Variants in ARHGEF3 observed in about 807,000 individuals in gnomAD.
The protein encoded by ARHGEF3 is Rho guanine nucleotide exchange factor 3, also known as 59.8 kDA protein.
In ARHGEF3, 28 loss-of-function variants were observed where a neutral mutation model predicts 63.2. The ratio of observed to expected loss-of-function variants is 0.44; its 90% CI spans 0.33 to 0.61. The LOEUF (loss-of-function observed/expected upper bound fraction) is 0.61, where lower values mean the gene tolerates loss of function less well. ARHGEF3 is among the 20% of genes least tolerant of loss of function. The probability of loss-of-function intolerance (pLI) is 0.03; values close to 1 mark genes in which losing one functional copy is unlikely to be tolerated. For missense variants in ARHGEF3, 533 were observed against 659.3 expected, an observed-to-expected ratio of 0.81 and a Z score of 2.10; for synonymous variants, 266 against 254.2, an observed-to-expected ratio of 1.05 and a Z score of -0.44.
At chr3:56,873,340 C>T (rs2317441) in intron 4 of ARHGEF3, among the ~76,000 whole-genome samples, 132,175 of 151,810 alleles carry the variant, frequency 0.87, 58,105 homozygotes, top group Non-Finnish European at 0.94. Context: ...TTAAGCCTAG[C>T]ACCCATTAGT....
chr3:56,869,446 A>G (rs912741226), intron 4 of ARHGEF3, among the ~76,000 whole-genome samples: 6 of 152,244 alleles, frequency 3.9e-5, no homozygotes, highest in African/African-American at 1.2e-4. Context: ...GAAGACACAC[A>G]AACCACGAGA....
intron 1 of ARHGEF3, among the ~76,000 whole-genome samples, chr3:57,075,737 G>A (rs957135855): frequency 6.6e-6 from 1 of 152,188 alleles, no homozygotes; most frequent in African/African-American, 2.4e-5. Context: ...TTGAGCCTGA[G>A]AGGCAGATGT....
chr3:56,751,439 A>T, intron 4 of ARHGEF3, 43 bp from the exon 5 acceptor site: 1 of 1,532,620 alleles, frequency 6.5e-7, no homozygotes, highest in South Asian at 1.1e-5. Flanking sequence ...GTTTAAAATC[A>T]GAGGAAGTAC....
intron 7 of ARHGEF3, among the ~76,000 whole-genome samples, chr3:56,741,966 T>A (rs1204292398): frequency 1.3e-5 from 2 of 152,128 alleles, no homozygotes; most frequent in African/African-American, 4.8e-5. Context: ...AAGGGACTGG[T>A]AAAGGGAGAT....
intron 2 of ARHGEF3, among the ~76,000 whole-genome samples, chr3:56,973,461 T>A (rs1488534070): frequency 1.3e-5 from 2 of 152,134 alleles, no homozygotes; most frequent in Non-Finnish European, 2.9e-5. Flanking sequence ...AAGAGCAGAT[T>A]TGGGGACAAA....
At chr3:56,878,933 C>T (rs1249211411) in intron 4 of ARHGEF3, among the ~76,000 whole-genome samples, 2 of 152,332 alleles carry the variant, frequency 1.3e-5, no homozygotes, top group South Asian at 2.1e-4. Context: ...GTCAGATCAG[C>T]GGTGGAGACT....
At chr3:56,844,764 G>A (rs2039428694) in intron 4 of ARHGEF3, among the ~76,000 whole-genome samples, 1 of 152,132 alleles carries the variant, frequency 6.6e-6, no homozygotes, top group Non-Finnish European at 1.5e-5. Flanking sequence ...TTTTCTGGGA[G>A]CCTTCACCAA....
At chr3:56,967,827 T>C (rs1426335862) in intron 2 of ARHGEF3, among the ~76,000 whole-genome samples, 1 of 71,202 alleles carries the variant, frequency 1.4e-5, no homozygotes, top group Non-Finnish European at 2.4e-5. Context: ...TATAATATAA[T>C]ATATATTAAT....
At chr3:57,014,271 T>G (rs73088051) in intron 2 of ARHGEF3, among the ~76,000 whole-genome samples, 37,172 of 152,048 alleles carry the variant, frequency 0.24, 5,078 homozygotes, top group Middle Eastern at 0.31. Context: ...ACTGTAACAC[T>G]CACTGTGAGG....
At chr3:56,956,588 G>T (rs1700053670) in intron 3 of ARHGEF3, among the ~76,000 whole-genome samples, 1 of 152,192 alleles carries the variant, frequency 6.6e-6, no homozygotes. Context: ...GGCCATAGGT[G>T]GGGTAATCAA....
In ARHGEF3 at chr3:56,801,939, A is replaced by T; in HGVS notation, c.-141T>A. 7.1e-7 allele frequency: 1 copy of T among 1,405,460 alleles called. No individual in the cohort carries two copies. Among genetic ancestry groups the T allele is most frequent in the Non-Finnish European group, 9.4e-7 (1 of 1,060,100 alleles). 87.1% of individuals were successfully genotyped at this position (1,405,460 alleles called of 1,614,324 possible). A position where few individuals can be genotyped will look rare whatever the true frequency, so the allele number is the denominator to read the frequency against. ...ACCGACAGCCGGCTTCTAGCCGGGC[A>T]GGACTCGACTGGGCTCCGGAGCCGA... On this transcript the variant is annotated 5_prime_UTR_variant, in exon 1 of 10. Coordinates refer to ENST00000296315, the MANE Select transcript of ARHGEF3 (RefSeq NM_019555.3).
Position 57,010,317 on chromosome 3 carries a change from G to A in ARHGEF3, c.62+24771C>T, listed in dbSNP as rs567906213. On this transcript the variant is annotated intron_variant, in intron 2 of 12. Coordinates refer to the ARHGEF3 transcript ENST00000338458. ...AAAATACAAAAAAAATTAGCCGGGC[G>A]TGGTGGCGGGTGCCTGTAGTCCCAG... Among the ~76,000 whole-genome samples the A allele has an allele frequency of 7.3e-4, 111 of 152,166 alleles. 1 individual carries two copies. Among genetic ancestry groups the A allele is most frequent in the African/African-American group, 2.4e-3 (100 of 41,518 alleles).
At chr3:56,915,474 AAAAC>A (rs2041963368) in intron 3 of ARHGEF3, among the ~76,000 whole-genome samples, 1 of 152,118 alleles carries the variant, frequency 6.6e-6, no homozygotes, top group Non-Finnish European at 1.5e-5. Context: ...TCAAAAAACA[AAAAC>A]AAACAAACAA....
At position 56,895,476 on chromosome 3, in the gene ARHGEF3, T is replaced by A. The variant is rs552033765; in HGVS notation, c.130-13122A>T. Among the ~76,000 whole-genome samples the A allele has an allele frequency of 4.1e-3, 616 of 151,990 alleles. 1 individual carries two copies. Among genetic ancestry groups the A allele is most frequent in the African/African-American group, 0.013 (541 of 41,458 alleles). On this transcript the variant is annotated intron_variant, in intron 3 of 12. Transcript: ENST00000338458. ...TTCTTATTTATTTATTTATTTATTT[T>A]TTTTTGAGATGGAGTCTTGTTCTGC... is the stretch of plus-strand genomic sequence containing the variant.
intron 2 of ARHGEF3, among the ~76,000 whole-genome samples, chr3:56,983,525 A>C (rs2106912854): frequency 6.6e-6 from 1 of 152,312 alleles, no homozygotes; most frequent in Admixed American, 6.5e-5. Context: ...CCTCGCCTCC[A>C]ATAGTACCTG....
At chr3:57,000,212 G>A (rs1383585735) in intron 2 of ARHGEF3, among the ~76,000 whole-genome samples, 1 of 151,894 alleles carries the variant, frequency 6.6e-6, no homozygotes, top group African/African-American at 2.4e-5. Flanking sequence ...AGCGCCCCAC[G>A]TATCTTCAGA....
chr3:57,007,256 A>T, intron 2 of ARHGEF3: 2 of 1,289,816 alleles, frequency 1.6e-6, no homozygotes, highest in Non-Finnish European at 1.0e-6. Flanking sequence ...TCAGCCACAT[A>T]AATCAGACTT....
intron 3 of ARHGEF3, among the ~76,000 whole-genome samples, chr3:56,901,548 G>A (rs2041510142): frequency 6.6e-6 from 1 of 151,100 alleles, no homozygotes; most frequent in South Asian, 2.1e-4. Context: ...CTCCTGGGGG[G>A]AATACAGGGC....
intron 4 of ARHGEF3, among the ~76,000 whole-genome samples, chr3:56,808,914 T>C (rs921458063): frequency 3.9e-5 from 6 of 152,142 alleles, no homozygotes; most frequent in African/African-American, 1.4e-4. Context: ...AATTAGCAGG[T>C]CCAAAATGCC....
Sources: gnomAD v4.1 joint callset for allele counts (sites outside exome capture counted in the v4.1 genomes callset) on GRCh38, gnomAD v4.1.1 for gene constraint, MANE v1.5 for transcripts, NCBI Gene and HGNC (gene_info 2026-07-23, HGNC 2026-07-21) for gene names.